POLR3E: variants seen among roughly 807,000 people sequenced by gnomAD.
POLR3E encodes the protein RNA polymerase III subunit E, also known as DNA-directed RNA polymerase III subunit RPC5.
In POLR3E, 41 loss-of-function variants were observed where a neutral mutation model predicts 96.6. The observed-to-expected ratio is 0.42, with a 90% CI of 0.33 to 0.55. The LOEUF (loss-of-function observed/expected upper bound fraction) is 0.55. Ranked by LOEUF, POLR3E falls within the 20% of genes least tolerant of loss-of-function variation. The pLI, the probability that POLR3E is intolerant of heterozygous loss-of-function variation, is 0.06. For synonymous variants in POLR3E, 396 were observed against 383.6 expected, an observed-to-expected ratio of 1.03 and a Z score of -0.38; for missense variants, 849 against 952.1, an observed-to-expected ratio of 0.89 and a Z score of 1.43.
At chr16:22,314,274 A>G in intron 8 of POLR3E, 146 bp downstream of exon 8, 1 of 671,166 alleles carries the variant, frequency 1.5e-6, no homozygotes, top group Admixed American at 2.2e-5. Context: ...TGGAGGGAAC[A>G]ACCTGAGTTG....
Position 22,318,784 on chromosome 16 carries a change from C to A in POLR3E, c.866-42C>A, listed in dbSNP as rs111891081. On this transcript the variant is annotated intron_variant, in intron 12 of 20. Coordinates refer to ENST00000299853, the MANE Select transcript of POLR3E (RefSeq NM_018119.4). This position sits in a 1 kb window ranked among gnomAD's most constrained non-coding sequence, Gnocchi z 5.0. ...TCTCGGTGGAGGGGAGGGAAGGGCC[C>A]GGCCCCTCTTCCTTGTCTGATGTCT... The A allele has an allele frequency of 6.3e-7, 1 of 1,591,794 alleles. No homozygotes were observed. The highest frequency in any genetic ancestry group is 1.1e-5 in the South Asian group (1 of 89,902).
chr16:22,316,797 A>G, intron 10 of POLR3E, 111 bp downstream of exon 10: 15 of 1,024,896 alleles, frequency 1.5e-5, no homozygotes, highest in Non-Finnish European at 2.1e-5. Flanking sequence ...ATGAGGGTGG[A>G]GCCCATTGTC....
chr16:22,314,930 G>A, intron 8 of POLR3E, 159 bp from the exon 9 acceptor site: 1 of 678,954 alleles, frequency 1.5e-6, no homozygotes, highest in Non-Finnish European at 2.4e-6. Context: ...CTCTGGGAGG[G>A]ACACGGTTGG....
chr16:22,329,519 G>GAGTC (rs1369114492), intron 19 of POLR3E, among the ~76,000 whole-genome samples: 4 of 152,112 alleles, frequency 2.6e-5, no homozygotes, highest in Admixed American at 1.3e-4. Flanking sequence ...GGGGAGAAGG[G>GAGTC]AGTCAGCAGA....
At chr16:22,328,943 T>G (rs1206213737) in intron 19 of POLR3E, 2 of 268,708 alleles carry the variant, frequency 7.4e-6, no homozygotes, top group South Asian at 3.8e-5. Context: ...CTGACCAATA[T>G]GGTGAAACCC....
At chr16:22,305,632 G>A in intron 3 of POLR3E, 1 of 370,840 alleles carries the variant, frequency 2.7e-6, no homozygotes, top group Non-Finnish European at 5.3e-6. Context: ...GCAGAGAGTT[G>A]GTGCCAGTGA....
At chr16:22,332,366 G>C (rs187954095) in intron 20 of POLR3E, among the ~76,000 whole-genome samples, 181 bp downstream of exon 20, 1 of 152,238 alleles carries the variant, frequency 6.6e-6, no homozygotes, top group Non-Finnish European at 1.5e-5. Context: ...GGGGAAGGGG[G>C]TATGTGCCAG....
chr16:22,326,349 G>A (rs1462373760), intron 18 of POLR3E, 71 bp downstream of exon 18: 4 of 1,242,934 alleles, frequency 3.2e-6, no homozygotes, highest in East Asian at 5.2e-5. Context: ...GGGAGGCCAC[G>A]TGGGGACACG....
rs1241870710 is a variant in POLR3E at position 22,322,393 on chromosome 16, C to T, written c.987-457C>T. 6.6e-6 allele frequency among the ~76,000 whole-genome samples: 1 copy of T among 152,164 alleles called. No individual in the cohort carries two copies. The highest frequency in any genetic ancestry group is 1.9e-4 in the East Asian group (1 of 5,184). ...CTGTTCTCTCCGAGGGCTAACATGC[C>T]TCCCCTGCCTCTGACCTCGGTTCAT... On this transcript the variant is annotated intron_variant, in intron 13 of 20. Transcript: ENST00000299853. The surrounding 1 kb of genome is among the most constrained non-coding windows in gnomAD (Gnocchi z 5.2).
chr16:22,299,736 C>T (rs764765496), intron 1 of POLR3E, among the ~76,000 whole-genome samples: 2 of 151,712 alleles, frequency 1.3e-5, no homozygotes, highest in Non-Finnish European at 2.9e-5. Context: ...CAGTAGAGAT[C>T]GAGTCTCACA....
At chr16:22,323,001 T>C in intron 14 of POLR3E, 70 bp downstream of exon 14, 3 of 1,093,044 alleles carry the variant, frequency 2.7e-6, no homozygotes, top group Non-Finnish European at 4.1e-6. Context: ...GCAGGGCTTC[T>C]GAAGACCGGG....
intron 18 of POLR3E, chr16:22,326,521 T>C: frequency 3.5e-6 from 2 of 564,252 alleles, no homozygotes; most frequent in Non-Finnish European, 6.4e-6. Context: ...CCCGGCCTAT[T>C]GCCTGGCCTG....
chr16:22,333,463 A>C (rs1598282959), intron 20 of POLR3E, among the ~76,000 whole-genome samples, 181 bp from the exon 21 acceptor site: 1 of 151,700 alleles, frequency 6.6e-6, no homozygotes, highest in African/African-American at 2.4e-5. Context: ...AAAAAAAAAA[A>C]AAAACACTAC....
At chr16:22,311,282 T>TC (rs2141755929) in intron 6 of POLR3E, among the ~76,000 whole-genome samples, 1 of 150,684 alleles carries the variant, frequency 6.6e-6, no homozygotes, top group Non-Finnish European at 1.5e-5. Context: ...TTTTTTTTTT[T>TC]TTTTTTTTAA....
rs1466573748 is a variant in POLR3E, at chr16:22,313,604, C to G, written c.365-16C>G. ...GGGTTTCTAGAGTTGAGTCCAAGCCCTTCTTCCTCCGCCAGGTGAGCTCCA... is the reference window on the plus strand; with the variant it reads ...GGGTTTCTAGAGTTGAGTCCAAGCCGTTCTTCCTCCGCCAGGTGAGCTCCA... On this transcript the variant is annotated splice_polypyrimidine_tract_variant and intron_variant, in intron 6 of 20. Coordinates refer to ENST00000299853, the MANE Select transcript of POLR3E (RefSeq NM_018119.4). The surrounding 1 kb of genome is among the most constrained non-coding windows in gnomAD (Gnocchi z 4.1). The G allele has an allele frequency of 1.3e-6, 2 of 1,590,486 alleles. No homozygotes were observed. The highest frequency in any genetic ancestry group is 1.7e-6 in the Non-Finnish European group (2 of 1,158,740).
At chr16:22,312,816 G>A (rs1447191767) in intron 6 of POLR3E, among the ~76,000 whole-genome samples, 2 of 137,622 alleles carry the variant, frequency 1.5e-5, no homozygotes, top group Admixed American at 1.6e-4. Flanking sequence ...GCACTGAGCC[G>A]AGATCATGGC....
At chr16:22,305,899 T>C (rs555346208) in intron 3 of POLR3E, among the ~76,000 whole-genome samples, 1 of 152,354 alleles carries the variant, frequency 6.6e-6, no homozygotes, top group East Asian at 1.9e-4. Flanking sequence ...ATAACCGATA[T>C]ATTGAGATAG....
At chr16:22,302,705 T>C in intron 1 of POLR3E, 1 of 533,018 alleles carries the variant, frequency 1.9e-6, no homozygotes, top group Non-Finnish European at 3.4e-6. Context: ...GTTGGCTTGG[T>C]CTACCCGCTT....
chr16:22,326,381 T>A (rs2048595681), intron 18 of POLR3E, 103 bp downstream of exon 18: 4 of 903,548 alleles, frequency 4.4e-6, no homozygotes, highest in South Asian at 2.8e-5. Flanking sequence ...TTGGTGAGCA[T>A]CTGCTCTCAC....
Sources: allele counts gnomAD v4.1 joint callset (sites outside exome capture counted in the v4.1 genomes callset), GRCh38; gene constraint gnomAD v4.1.1; non-coding constraint Gnocchi (gnomAD v3.1); transcripts MANE v1.5; gene names NCBI Gene and HGNC (gene_info 2026-07-23, HGNC 2026-07-21).